The following RYR2 variants were observed in gnomAD, a reference collection of about 807,000 sequenced individuals.
RYR2 encodes the protein cardiac muscle ryanodine receptor-calcium release channel.
Under a neutral mutation model 601.1 loss-of-function variants are expected in RYR2, and 227 were observed. The ratio of observed to expected loss-of-function variants is 0.38; its 90% CI spans 0.34 to 0.42. RYR2 has a LOEUF of 0.42. Among genes scored for constraint, RYR2 ranks in the 10% least tolerant of loss-of-function variants. The pLI is 1.00. For synonymous variants in RYR2, 2,223 were observed against 2,175.1 expected, an observed-to-expected ratio of 1.02 and a Z score of -0.61; for missense variants, 4,646 against 6,156.5, an observed-to-expected ratio of 0.75 and a Z score of 8.21.
chr1:237,128,112 C>G (rs936815224), intron 1 of RYR2, among the ~76,000 whole-genome samples: 15 of 152,090 alleles, frequency 9.9e-5, no homozygotes, highest in South Asian at 4.2e-4. Flanking sequence ...ACTGAGTGAA[C>G]GAGACTCCGT....
chr1:237,148,530 ATATATATAT>A (rs1674303792), intron 1 of RYR2, among the ~76,000 whole-genome samples: 2 of 44,396 alleles, frequency 4.5e-5, no homozygotes, highest in African/African-American at 6.9e-5. Flanking sequence ...AAAAAAAAAT[ATATATATAT>A]ATATATATAT....
chr1:237,377,525 T>G, intron 8 of RYR2, 90 bp downstream of exon 8: 2 of 942,900 alleles, frequency 2.1e-6, no homozygotes, highest in South Asian at 3.2e-5. Context: ...TTGTAAATTA[T>G]CTATGAAAAT....
chr1:237,624,753 T>G (rs6671328), intron 39 of RYR2, among the ~76,000 whole-genome samples: 5 of 152,192 alleles, frequency 3.3e-5, no homozygotes, highest in East Asian at 1.9e-4. Context: ...GTGTGTGTGT[T>G]TTTATTCCTT....
At position 237,123,324 on chromosome 1, in the gene RYR2, T is replaced by C. The variant is rs77177995; in HGVS notation, c.48+80755T>C. On this transcript the variant is annotated intron_variant, in intron 1 of 104. Transcript: ENST00000366574. ...GATGAGAGCTGAGTGCTGTGGCTCA[T>C]ACCTGTAATCCCAGCACTTTGGGAG... Among the ~76,000 whole-genome samples, 1,294 of 152,266 alleles carry C rather than the reference T, an allele frequency of 8.5e-3. 18 individuals are homozygous for C. The highest frequency in any genetic ancestry group is 0.03 in the African/African-American group (1,247 of 41,554).
intron 19 of RYR2, among the ~76,000 whole-genome samples, chr1:237,495,268 G>A (rs969607535): frequency 7.9e-5 from 12 of 152,040 alleles, no homozygotes; most frequent in Non-Finnish European, 1.2e-4. Flanking sequence ...AACTAGTGCC[G>A]GGTCACAGAG....
At chr1:237,565,195 C>CG (rs1671914714) in intron 27 of RYR2, among the ~76,000 whole-genome samples, 1 of 112,936 alleles carries the variant, frequency 8.9e-6, no homozygotes, top group Non-Finnish European at 1.9e-5. Flanking sequence ...TTCTTTCTTT[C>CG]TTTCTTTCTT....
chr1:237,067,177 T>A (rs1663753877), intron 1 of RYR2, among the ~76,000 whole-genome samples: 1 of 91,964 alleles, frequency 1.1e-5, no homozygotes, highest in Non-Finnish European at 2.3e-5. Context: ...GGTATTTTTC[T>A]TTTATGGATT....
At chr1:237,330,625 T>A (rs961706790) in intron 2 of RYR2, among the ~76,000 whole-genome samples, 8 of 152,170 alleles carry the variant, frequency 5.3e-5, no homozygotes, top group African/African-American at 1.9e-4. Flanking sequence ...TGACCTCAGG[T>A]GATCCGCCCA....
rs1207374398 is a variant in RYR2, at chr1:237,783,812, G to A, written c.12100G>A (p.Glu4034Lys). The A allele has an allele frequency of 1.9e-6, 3 of 1,613,744 alleles. No individual in the cohort carries two copies. The highest frequency in any genetic ancestry group is 2.5e-6 in the Non-Finnish European group (3 of 1,179,800). Residue 4034 changes from glutamate (E) to lysine (K), a missense_variant, in exon 90 of 105, where the codon GAA becomes AAA. Glu to Lys is a moderately conservative substitution (Grantham distance 56). Around this residue, in one of 17 missense-constraint regions of RYR2, gnomAD observed 66 missense variants for 80.7 expected, o/e 0.82. Coordinates refer to ENST00000366574, the MANE Select transcript of RYR2 (RefSeq NM_001035.3). The stretch of plus-strand genomic sequence containing the variant: ...TTTGACGTCGTCTGATACTTTTAAA[G>A]AATATGACCCCGATGGCAAGGGAGT... ...KDLTSSDTFK[E>K]YDPDGKGVIS...
chr1:237,352,139 G>A (rs1698908633), intron 3 of RYR2, among the ~76,000 whole-genome samples: 1 of 151,942 alleles, frequency 6.6e-6, no homozygotes, highest in African/African-American at 2.4e-5. Context: ...TACTTAAACT[G>A]ATAGAAATTA....
intron 27 of RYR2, 80 bp from the exon 28 acceptor site, chr1:237,566,487 C>T (rs1672098038): frequency 1.0e-5 from 14 of 1,359,108 alleles, no homozygotes; most frequent in South Asian, 4.0e-5. Flanking sequence ...ATTTATCTTT[C>T]CTTCTTTTAT....
rs1417807379 is a variant in RYR2 at position 237,727,202 on chromosome 1, C to T, written c.10838+3C>T. On this transcript the variant is annotated splice_donor_region_variant and intron_variant, in intron 76 of 104. Coordinates refer to ENST00000366574, the MANE Select transcript of RYR2 (RefSeq NM_001035.3). Reference sequence around the variant, plus strand: ...GCCCCCTTATATAATCTGCCAAGGTCGGAATTACTTTATTTTTTGTAATAG... The same window carrying T: ...GCCCCCTTATATAATCTGCCAAGGTTGGAATTACTTTATTTTTTGTAATAG... 9.8e-6 allele frequency: 14 copies of T among 1,424,092 alleles called. No homozygotes were observed. The highest frequency in any genetic ancestry group is 4.7e-5 in the East Asian group (2 of 42,686). The allele number at this position is 1,424,092 out of a possible 1,614,324, so 88.2% of individuals were successfully genotyped here. A position where few individuals can be genotyped will look rare whatever the true frequency, so the allele number is the denominator to read the frequency against.
chr1:237,489,163 T>C (rs1217636935), intron 17 of RYR2, among the ~76,000 whole-genome samples: 1 of 152,114 alleles, frequency 6.6e-6, no homozygotes, highest in Non-Finnish European at 1.5e-5. Flanking sequence ...TATAAGGAAC[T>C]TAAATAACCC....
At chr1:237,158,716 A>G (rs780398484) in intron 1 of RYR2, among the ~76,000 whole-genome samples, 39 of 152,202 alleles carry the variant, frequency 2.6e-4, no homozygotes, top group African/African-American at 8.0e-4. Context: ...AATCACGTCC[A>G]GGTTTCGTCT....
chr1:237,413,422 T>G (rs529354925), intron 10 of RYR2, among the ~76,000 whole-genome samples: 1 of 152,184 alleles, frequency 6.6e-6, no homozygotes, highest in African/African-American at 2.4e-5. Context: ...CATTGTTAAA[T>G]TCAAAAGGTA....
chr1:237,059,502 T>G (rs1442912905), intron 1 of RYR2, among the ~76,000 whole-genome samples: 1 of 152,126 alleles, frequency 6.6e-6, no homozygotes. Context: ...TGGAGTCTAT[T>G]TTTAAGGTTA....
chr1:237,629,129 T>G (rs2148672739), intron 41 of RYR2, among the ~76,000 whole-genome samples: 1 of 152,198 alleles, frequency 6.6e-6, no homozygotes, highest in Non-Finnish European at 1.5e-5. Flanking sequence ...ATGCAACACG[T>G]TTTTTTGAGT....
chr1:237,382,021 C>T (rs530260090), intron 8 of RYR2, among the ~76,000 whole-genome samples: 106 of 152,256 alleles, frequency 7.0e-4, no homozygotes, highest in African/African-American at 2.5e-3. Context: ...GTAGATATTA[C>T]TGACTGAATT....
intron 32 of RYR2, among the ~76,000 whole-genome samples, chr1:237,592,162 A>C (rs1289015907): frequency 6.6e-6 from 1 of 152,210 alleles, no homozygotes; most frequent in Admixed American, 6.5e-5. Flanking sequence ...TCTTCATCTT[A>C]CTGAATTGTC....
Sources: gnomAD v4.1 joint callset for allele counts (sites outside exome capture counted in the v4.1 genomes callset) on GRCh38, gnomAD v4.1.1 for gene constraint, gnomAD v4.1.1 regional missense constraint, MANE v1.5 for transcripts, NCBI Gene and HGNC (gene_info 2026-07-23, HGNC 2026-07-21) for gene names.